Variants in SND1 observed in about 807,000 individuals in gnomAD.
The protein encoded by SND1 is staphylococcal nuclease and tudor domain containing 1.
SND1 carries 38 observed loss-of-function variants against 121.7 expected under a neutral mutation model. The observed-to-expected ratio is 0.31, with a 90% CI of 0.24 to 0.41. The LOEUF (loss-of-function observed/expected upper bound fraction) is 0.41, where lower values mean the gene tolerates loss of function less well. Ranked by LOEUF, SND1 falls within the 10% of genes least tolerant of loss-of-function variation. The pLI, the probability that SND1 is intolerant of heterozygous loss-of-function variation, is 1.00. For missense variants in SND1, 868 were observed against 1,184.6 expected, an observed-to-expected ratio of 0.73 and a Z score of 3.92; for synonymous variants, 401 against 447.4, an observed-to-expected ratio of 0.90 and a Z score of 1.31.
intron 10 of SND1, among the ~76,000 whole-genome samples, chr7:127,747,453 G>A (rs1217255863): frequency 6.6e-6 from 1 of 152,148 alleles, no homozygotes; most frequent in East Asian, 1.9e-4. Flanking sequence ...ATTGGCATTG[G>A]GTATTGAAGG....
chr7:128,040,437 T>TAAAA (rs67595921), intron 16 of SND1, among the ~76,000 whole-genome samples: 957 of 32,878 alleles, frequency 0.029, 50 homozygotes, highest in Middle Eastern at 0.083. Context: ...GTCCTATCTT[T>TAAAA]AAAAAAAAAA....
intron 3 of SND1, among the ~76,000 whole-genome samples, 197 bp downstream of exon 3, chr7:127,695,145 C>T (rs1353996109): frequency 6.6e-6 from 1 of 152,136 alleles, no homozygotes; most frequent in Non-Finnish European, 1.5e-5. Flanking sequence ...TGTTCCTGTT[C>T]CTTGTGTACC....
chr7:128,063,242 C>T (rs146761528), intron 16 of SND1, among the ~76,000 whole-genome samples: 16 of 152,310 alleles, frequency 1.1e-4, no homozygotes, highest in African/African-American at 3.4e-4. Flanking sequence ...GAGGCACACA[C>T]GGCTGCTGCC....
chr7:127,669,879 A>G (rs1034713719), intron 1 of SND1, among the ~76,000 whole-genome samples: 2 of 152,200 alleles, frequency 1.3e-5, no homozygotes, highest in Admixed American at 6.5e-5. Context: ...AAAATTCAGC[A>G]CCTTGCAGAT....
chr7:127,973,484 G>A (rs1342658556), intron 15 of SND1, among the ~76,000 whole-genome samples: 2 of 152,172 alleles, frequency 1.3e-5, no homozygotes, highest in Non-Finnish European at 2.9e-5. Flanking sequence ...GGTAGGAAGG[G>A]CACTAGGAGG....
rs535100784 is a variant in SND1 at position 127,897,149 on chromosome 7, G to A, written c.1455-7598G>A. ...TAAGCTGCTTCTGACTCTGCCTCCC[G>A]CCAGCACCCTCCAACTTTGGGCCCA... On this transcript the variant is annotated intron_variant, in intron 13 of 23. Coordinates refer to ENST00000354725, the MANE Select transcript of SND1 (RefSeq NM_014390.4). 1.2e-4 allele frequency among the ~76,000 whole-genome samples: 19 copies of A among 152,158 alleles called. No homozygotes were observed. In the East Asian group the frequency reaches 2.7e-3, roughly 22 times the overall value.
At chr7:127,810,228 A>C (rs1248313634) in intron 11 of SND1, among the ~76,000 whole-genome samples, 1 of 152,112 alleles carries the variant, frequency 6.6e-6, no homozygotes, top group Non-Finnish European at 1.5e-5. Flanking sequence ...AACCCATTGC[A>C]TGAATTCCAG....
In SND1 at chr7:127,962,972, A is replaced by G. The variant is rs140303699; in HGVS notation, c.1670-27975A>G. On this transcript the variant is annotated intron_variant, in intron 15 of 23. Coordinates refer to ENST00000354725, the MANE Select transcript of SND1 (RefSeq NM_014390.4). ...GAGTCTGTAAAAAACTTGAGAGTAG[A>G]ACATATTTTCTTCCTTCTTAGAACC... Among the ~76,000 whole-genome samples the G allele has an allele frequency of 3.3e-3, 501 of 152,330 alleles. 2 individuals carry two copies. Among genetic ancestry groups the G allele is most frequent in the Middle Eastern group, 0.01 (3 of 294 alleles).
intron 1 of SND1, among the ~76,000 whole-genome samples, chr7:127,663,216 A>G (rs965960813): frequency 1.3e-5 from 2 of 152,006 alleles, no homozygotes; most frequent in East Asian, 3.9e-4. Flanking sequence ...TGTCTAGGTT[A>G]CTAATAATAC....
intron 10 of SND1, among the ~76,000 whole-genome samples, chr7:127,791,873 T>C (rs1462576764): frequency 6.6e-6 from 1 of 152,230 alleles, no homozygotes; most frequent in Non-Finnish European, 1.5e-5. Context: ...AGTAACCACG[T>C]TGACACATTT....
chr7:127,793,774 A>T (rs1297622382), intron 10 of SND1, among the ~76,000 whole-genome samples: 1 of 152,106 alleles, frequency 6.6e-6, no homozygotes, highest in Non-Finnish European at 1.5e-5. Flanking sequence ...GCAGTTATAG[A>T]GCGAGAAGTT....
intron 16 of SND1, among the ~76,000 whole-genome samples, chr7:128,017,543 T>G (rs1345065613): frequency 6.6e-6 from 1 of 152,222 alleles, no homozygotes; most frequent in South Asian, 2.1e-4. Context: ...CCTAGCTGAC[T>G]CTTCCCTGGT....
intron 15 of SND1, among the ~76,000 whole-genome samples, chr7:127,935,173 A>G (rs1247764822): frequency 6.6e-6 from 1 of 152,240 alleles, no homozygotes; most frequent in Non-Finnish European, 1.5e-5. Flanking sequence ...AAAAGTGGGA[A>G]GTAAGAAACA....
chr7:127,769,438 A>G (rs1384837640), intron 10 of SND1, among the ~76,000 whole-genome samples: 4 of 152,220 alleles, frequency 2.6e-5, no homozygotes, highest in African/African-American at 9.7e-5. Flanking sequence ...TACCTGGAGT[A>G]TTGAATTCCT....
chr7:127,660,663 T>C (rs1161552441), intron 1 of SND1, among the ~76,000 whole-genome samples: 1 of 152,226 alleles, frequency 6.6e-6, no homozygotes, highest in African/African-American at 2.4e-5. Flanking sequence ...TATGTTAGTG[T>C]TCAAAACATT....
chr7:127,708,442 C>G (rs977816549), intron 9 of SND1, among the ~76,000 whole-genome samples: 18 of 151,686 alleles, frequency 1.2e-4, no homozygotes, highest in Non-Finnish European at 2.7e-4. Flanking sequence ...TCCCTTCCTT[C>G]CTGGCTGAAG....
intron 10 of SND1, among the ~76,000 whole-genome samples, chr7:127,753,465 A>T (rs931793007): frequency 6.6e-5 from 10 of 150,860 alleles, no homozygotes; most frequent in African/African-American, 2.4e-4. Context: ...TTTTTTTTTT[A>T]AATGAAAGGC....
chr7:128,074,164 G>A (rs1793464284), intron 16 of SND1, among the ~76,000 whole-genome samples: 1 of 152,196 alleles, frequency 6.6e-6, no homozygotes, highest in East Asian at 1.9e-4. Context: ...GGAGGGTGCT[G>A]AAGAGTGGGA....
rs541052207 is a variant in SND1 at position 127,666,713 on chromosome 7, G to T, written c.78+14262G>T. 1.5e-3 allele frequency among the ~76,000 whole-genome samples: 226 copies of T among 152,280 alleles called. 9 individuals carry two copies. In the South Asian group the frequency reaches 0.044, roughly 30 times the overall value. ...GAAGTCTCTTTTATGGACAGTACTT[G>T]CAGTGCCGGGATCATAAACAAGTTC... On this transcript the variant is annotated intron_variant, in intron 1 of 23. Coordinates refer to ENST00000354725, the MANE Select transcript of SND1 (RefSeq NM_014390.4).
Sources: gnomAD v4.1 joint callset for allele counts (sites outside exome capture counted in the v4.1 genomes callset) on GRCh38, gnomAD v4.1.1 for gene constraint, MANE v1.5 for transcripts, NCBI Gene and HGNC (gene_info 2026-07-23, HGNC 2026-07-21) for gene names.